AGTPBP1: variants seen among roughly 807,000 people sequenced by gnomAD.
The protein encoded by AGTPBP1 is cytosolic carboxypeptidase 1.
Under a neutral mutation model 143.9 loss-of-function variants are expected in AGTPBP1, and 70 were observed. The ratio of observed to expected loss-of-function variants is 0.49; its 90% CI spans 0.40 to 0.59. The LOEUF is 0.59. Ranked by LOEUF, AGTPBP1 falls within the 20% of genes least tolerant of loss-of-function variation. The pLI is 0.00. For missense variants in AGTPBP1, 1,229 were observed against 1,464.5 expected (o/e 0.84, Z 2.62); for synonymous variants, 463 against 500.2 (o/e 0.93, Z 0.99).
chr9:85,657,894 T>A (rs577934515), intron 9 of AGTPBP1, among the ~76,000 whole-genome samples: 2 of 152,286 alleles, frequency 1.3e-5, no homozygotes, highest in East Asian at 3.9e-4. Context: ...ATCTCTTTAC[T>A]AAAATTAGAG....
At chr9:85,626,853 G>T (rs142788068) in intron 14 of AGTPBP1, among the ~76,000 whole-genome samples, 11 of 152,134 alleles carry the variant, frequency 7.2e-5, no homozygotes, top group African/African-American at 2.7e-4. Context: ...ATTTTCATGT[G>T]CCACGAAGCC....
chr9:85,619,726 C>T (rs1830803646), intron 15 of AGTPBP1, among the ~76,000 whole-genome samples: 1 of 152,140 alleles, frequency 6.6e-6, no homozygotes, highest in Admixed American at 6.5e-5. Context: ...TCAAGAAGCA[C>T]ACGTATTATC....
chr9:85,724,475 C>G (rs938184088), intron 1 of AGTPBP1, among the ~76,000 whole-genome samples: 3 of 152,100 alleles, frequency 2.0e-5, no homozygotes, highest in Non-Finnish European at 4.4e-5. Context: ...TTTCTATAAA[C>G]TTACAAATGC....
chr9:85,657,921 G>A (rs543431430), intron 9 of AGTPBP1, among the ~76,000 whole-genome samples: 1 of 151,942 alleles, frequency 6.6e-6, no homozygotes, highest in Non-Finnish European at 1.5e-5. Flanking sequence ...CTTTTTAAAG[G>A]CTTTTGTTTA....
chr9:85,730,190 C>T (rs1243038266), intron 1 of AGTPBP1, among the ~76,000 whole-genome samples: 1 of 152,200 alleles, frequency 6.6e-6, no homozygotes, highest in Non-Finnish European at 1.5e-5. Flanking sequence ...CCTTAAAGCT[C>T]AACCTATGTC....
chr9:85,609,393 C>T (rs888181025), intron 17 of AGTPBP1, among the ~76,000 whole-genome samples: 52 of 151,160 alleles, frequency 3.4e-4, no homozygotes, highest in African/African-American at 1.1e-3. Context: ...CAGGTTCAAG[C>T]GATTCTCCTG....
intron 2 of AGTPBP1, among the ~76,000 whole-genome samples, chr9:85,698,006 A>T (rs1836382140): frequency 6.6e-6 from 1 of 152,192 alleles, no homozygotes; most frequent in African/African-American, 2.4e-5. Context: ...CAGATTTGAG[A>T]GAAATTTGCA....
chr9:85,642,778 T>A, intron 13 of AGTPBP1, 49 bp downstream of exon 13: 3 of 1,422,774 alleles, frequency 2.1e-6, no homozygotes, highest in Admixed American at 2.1e-5. Context: ...GGAAAAAAAA[T>A]AACTTTTTAT....
intron 1 of AGTPBP1, among the ~76,000 whole-genome samples, chr9:85,720,312 GC>G (rs1838020970): frequency 6.6e-6 from 1 of 152,102 alleles, no homozygotes; most frequent in South Asian, 2.1e-4. Flanking sequence ...TAGTTGGTAG[GC>G]CATTAATTGT....
At chr9:85,600,238 T>G (rs1456960643) in intron 17 of AGTPBP1, among the ~76,000 whole-genome samples, 4 of 152,106 alleles carry the variant, frequency 2.6e-5, no homozygotes, top group Non-Finnish European at 5.9e-5. Context: ...AAAATAAGTC[T>G]GCCTTCCTGA....
chr9:85,595,256 A>G (rs1156799560), intron 18 of AGTPBP1, among the ~76,000 whole-genome samples: 2 of 152,222 alleles, frequency 1.3e-5, no homozygotes, highest in African/African-American at 2.4e-5. Flanking sequence ...CTTCTAATTG[A>G]TAAAACTAAA....
intron 4 of AGTPBP1, among the ~76,000 whole-genome samples, chr9:85,679,969 G>C (rs1262954019): frequency 6.6e-6 from 1 of 152,010 alleles, no homozygotes; most frequent in Admixed American, 6.6e-5. Context: ...GAATTTATTT[G>C]GGTGTGGAAT....
intron 14 of AGTPBP1, among the ~76,000 whole-genome samples, chr9:85,627,656 TC>T (rs1831387554): frequency 6.6e-6 from 1 of 152,144 alleles, no homozygotes; most frequent in Non-Finnish European, 1.5e-5. Flanking sequence ...GGATTTTCCT[TC>T]CCCTTTGCCC....
intron 2 of AGTPBP1, among the ~76,000 whole-genome samples, chr9:85,703,651 G>C (rs1235613090): frequency 6.6e-6 from 1 of 152,176 alleles, no homozygotes; most frequent in Admixed American, 6.5e-5. Flanking sequence ...GGCTCAATCT[G>C]GGGGAACACA....
In AGTPBP1 at chr9:85,670,324, G is replaced by A. The variant is rs35901964; in HGVS notation, c.569-746C>T. Among the ~76,000 whole-genome samples the A allele has an allele frequency of 3.6e-3, 553 of 152,190 alleles. 2 individuals are homozygous for A. Among genetic ancestry groups the A allele is most frequent in the Non-Finnish European group, 6.2e-3 (419 of 68,006 alleles). ...AATTCTTTTGACTATGGGGAATCAC[G>A]CAAAAGGAACATATCAGATGTGAAT... On this transcript the variant is annotated intron_variant, in intron 7 of 25. Transcript: ENST00000357081.
intron 1 of AGTPBP1, among the ~76,000 whole-genome samples, chr9:85,719,721 G>A (rs1463943162): frequency 1.3e-5 from 2 of 152,182 alleles, no homozygotes; most frequent in East Asian, 3.9e-4. Context: ...GTGAGAGAGG[G>A]CATCCTTGTC....
At chr9:85,677,408 C>A in intron 6 of AGTPBP1, 28 bp downstream of exon 6, 1 of 1,593,084 alleles carries the variant, frequency 6.3e-7, no homozygotes, top group Non-Finnish European at 8.5e-7. Context: ...GTTCTAGATA[C>A]AATAATCATA....
chr9:85,761,964 A>G, the AGTPBP1 span, among the ~76,000 whole-genome samples: 2 of 152,262 alleles, frequency 1.3e-5, no homozygotes, highest in Non-Finnish European at 2.9e-5. Context: ...GGTGAAGGAT[A>G]TGAACAGAAG....
At chr9:85,605,476 T>C (rs775729407) in intron 17 of AGTPBP1, among the ~76,000 whole-genome samples, 1 of 152,086 alleles carries the variant, frequency 6.6e-6, no homozygotes, top group African/African-American at 2.4e-5. Flanking sequence ...ATCAAATACT[T>C]GTCCTACAAG....
Sources: allele counts gnomAD v4.1 joint callset (sites outside exome capture counted in the v4.1 genomes callset), GRCh38; gene constraint gnomAD v4.1.1; transcripts MANE v1.5; gene names NCBI Gene and HGNC (gene_info 2026-07-23, HGNC 2026-07-21).